Variants in MYOCOS observed in about 807,000 individuals in gnomAD.
MYOCOS encodes myocilin opposite strand.
At chr1:171,606,712 A>G (rs1363893722) in intron 1 of MYOCOS, among the ~76,000 whole-genome samples, 1 of 152,176 alleles carries the variant, frequency 6.6e-6, no homozygotes, top group Non-Finnish European at 1.5e-5. Context: ...GAAATTGTGC[A>G]CTCGAGGAGC....
chr1:171,620,799 G>A (rs1341025018), upstream of MYOCOS, among the ~76,000 whole-genome samples: 7 of 140,216 alleles, frequency 5.0e-5, no homozygotes, highest in African/African-American at 1.9e-4. Context: ...TTGAGACGGA[G>A]TCTCGTTCTG....
Position 171,623,891 on chromosome 1 carries a change from A to G in MYOCOS, c.8A>G (p.Gln3Arg). The G allele has an allele frequency of 2.5e-6, 1 of 398,572 alleles. No individual in the cohort carries two copies. Among genetic ancestry groups the G allele is most frequent in the East Asian group, 3.6e-5 (1 of 28,078 alleles). The allele number at this position is 398,572 out of a possible 1,614,324, so 24.7% of individuals were successfully genotyped here. A position where few individuals can be genotyped will look rare whatever the true frequency, so the allele number is the denominator to read the frequency against. The stretch of plus-strand genomic sequence containing the variant: ...TCCCCTGAGTGCAAGGCCATGGCTC[A>G]GAAAAGCCTTGCAAACAACAGCATT... Reference protein sequence around the residue: MAQKSLANNSINL... With the variant: MARKSLANNSINL... The change falls in exon 2 of 3, where the codon CAG becomes CGG. Residue 3 changes from glutamine to arginine, a missense_variant. Physicochemically the swap from Gln to Arg is conservative, Grantham distance 43 (BLOSUM62 1). Transcript: ENST00000637642.
chr1:171,605,089 T>A (rs1238937130), intron 1 of MYOCOS, among the ~76,000 whole-genome samples: 1 of 151,940 alleles, frequency 6.6e-6, no homozygotes, highest in African/African-American at 2.4e-5. Context: ...AACTAAATTT[T>A]TTTTTTTTGC....
intron 1 of MYOCOS, among the ~76,000 whole-genome samples, chr1:171,613,754 C>G (rs1012282227): frequency 6.6e-6 from 1 of 152,068 alleles, no homozygotes; most frequent in African/African-American, 2.4e-5. Flanking sequence ...CACTATGTTG[C>G]CCCGGTTGGT....
chr1:171,624,691 C>T (rs981759337), intron 2 of MYOCOS, among the ~76,000 whole-genome samples: 1 of 152,076 alleles, frequency 6.6e-6, no homozygotes, highest in African/African-American at 2.4e-5. Context: ...TTGTGATCTG[C>T]CCGCCTCGGC....
chr1:171,624,691 C>A (rs981759337), intron 2 of MYOCOS, among the ~76,000 whole-genome samples: 1 of 152,076 alleles, frequency 6.6e-6, no homozygotes, highest in Non-Finnish European at 1.5e-5. Context: ...TTGTGATCTG[C>A]CCGCCTCGGC....
chr1:171,603,916 T>C lies in MYOCOS; in HGVS notation c.-252+2836T>C, dbSNP rs571080533. 7.9e-5 allele frequency among the ~76,000 whole-genome samples: 12 copies of C among 151,938 alleles called. No individual in the cohort carries two copies. The South Asian group carries it at 1.2e-3, about 16-fold the overall frequency. ...AAGTCCCCCCATGCTGTGGTGACTTTAATAAATACCAAAGGACACCATTAG... is the reference window on the plus strand; with the variant it reads ...AAGTCCCCCCATGCTGTGGTGACTTCAATAAATACCAAAGGACACCATTAG... On this transcript the variant is annotated intron_variant, in intron 1 of 3. Coordinates refer to the MYOCOS transcript ENST00000636697.
intron 2 of MYOCOS, among the ~76,000 whole-genome samples, chr1:171,616,789 G>A (rs1479132493): frequency 6.6e-6 from 1 of 152,166 alleles, no homozygotes; most frequent in African/African-American, 2.4e-5. Context: ...CTGTGCTTTG[G>A]TCAAGGATAG....
chr1:171,602,694 AC>A (rs911574148), intron 1 of MYOCOS, among the ~76,000 whole-genome samples: 7 of 152,210 alleles, frequency 4.6e-5, no homozygotes, highest in Admixed American at 3.9e-4. Context: ...CATTAATAAC[AC>A]CCTAATATAA....
chr1:171,605,371 T>TA (rs1420491777), intron 1 of MYOCOS, among the ~76,000 whole-genome samples: 19 of 65,500 alleles, frequency 2.9e-4, no homozygotes, highest in Non-Finnish European at 5.6e-4. Context: ...ATATTAATAG[T>TA]ACCACACACA....
At chr1:171,624,534 T>A (rs1169864077) in intron 2 of MYOCOS, among the ~76,000 whole-genome samples, 5 of 152,042 alleles carry the variant, frequency 3.3e-5, no homozygotes, top group Non-Finnish European at 7.4e-5. Flanking sequence ...CCTCCCGGGT[T>A]CACGGCATTC....
intron 1 of MYOCOS, chr1:171,614,791 A>AT (rs1447903178): frequency 2.6e-5 from 4 of 152,228 alleles, no homozygotes; most frequent in Non-Finnish European, 4.4e-5. Context: ...TTTTTTCTAC[A>AT]TTTTAGACGG....
intron 1 of MYOCOS, among the ~76,000 whole-genome samples, chr1:171,613,491 G>T (rs1652388496): frequency 6.6e-6 from 1 of 152,092 alleles, no homozygotes; most frequent in Non-Finnish European, 1.5e-5. Flanking sequence ...TCAGTCTCAG[G>T]ATCTCACTTT....
upstream of MYOCOS, among the ~76,000 whole-genome samples, chr1:171,620,753 G>A (rs1160735637): frequency 6.7e-6 from 1 of 148,816 alleles, no homozygotes; most frequent in African/African-American, 2.5e-5. Context: ...GCAAACCAAT[G>A]TATTTCTTTC....
At chr1:171,603,568 A>G (rs1652184217) in intron 1 of MYOCOS, among the ~76,000 whole-genome samples, 1 of 152,258 alleles carries the variant, frequency 6.6e-6, no homozygotes, top group Admixed American at 6.5e-5. Context: ...CAGTCAATAA[A>G]AATGTAAATT....
chr1:171,616,627 A>C (rs1477608980), intron 2 of MYOCOS, among the ~76,000 whole-genome samples: 1 of 152,206 alleles, frequency 6.6e-6, no homozygotes, highest in Non-Finnish European at 1.5e-5. Flanking sequence ...TCAGGAGTTC[A>C]GTCTTGGACA....
chr1:171,617,269 T>A (rs565190715), upstream of MYOCOS, among the ~76,000 whole-genome samples: 1 of 152,248 alleles, frequency 6.6e-6, no homozygotes, highest in East Asian at 1.9e-4. Flanking sequence ...CAGCATGGAC[T>A]GGAACCTGAC....
chr1:171,611,691 T>G (rs1652353962), intron 1 of MYOCOS, among the ~76,000 whole-genome samples: 1 of 152,160 alleles, frequency 6.6e-6, no homozygotes, highest in African/African-American at 2.4e-5. Context: ...CAGCAGACTT[T>G]CATGTTAGTC....
At chr1:171,624,641 G>A (rs775715162) in intron 2 of MYOCOS, among the ~76,000 whole-genome samples, 5 of 151,932 alleles carry the variant, frequency 3.3e-5, no homozygotes, top group Admixed American at 6.6e-5. Context: ...TAGTAGAGAC[G>A]GGGTTTCACC....
Sources: allele counts gnomAD v4.1 joint callset (sites outside exome capture counted in the v4.1 genomes callset), GRCh38; gene constraint gnomAD v4.1.1; transcripts MANE v1.5; gene names NCBI Gene and HGNC (gene_info 2026-07-23, HGNC 2026-07-21).